Variants in ZBP1 observed in about 807,000 individuals in gnomAD.
ZBP1 encodes the protein Z-DNA-binding protein 1.
ZBP1 carries 42 observed loss-of-function variants against 41.1 expected under a neutral mutation model. The ratio of observed to expected loss-of-function variants is 1.02; its 90% CI spans 0.80 to 1.32. The LOEUF (loss-of-function observed/expected upper bound fraction) is 1.32, where lower values mean the gene tolerates loss of function less well. Among genes scored for constraint, ZBP1 ranks in the 40% most tolerant of loss-of-function variants. The probability of loss-of-function intolerance (pLI) is 0.00; values close to 1 mark genes in which losing one functional copy is unlikely to be tolerated. For missense variants in ZBP1, 562 were observed against 549.7 expected (o/e 1.02, Z -0.22); for synonymous variants, 214 against 205.2 (o/e 1.04, Z -0.37).
At position 57,613,273 on chromosome 20, in the gene ZBP1, T is replaced by C. The variant is rs1268309489; in HGVS notation, c.560A>G (p.Asn187Ser). ...GTTGGGTCCATTCTGGCAGATCATG[T>C]TGATTGGATTGTGCTGGTAAATAAT... is the stretch of plus-strand genomic sequence containing the variant. ...ASIIYQHNPI[N>S]MICQNGPNSW... The change falls in exon 5 of 8, where the codon AAC becomes AGC. Residue 187 changes from asparagine (N) to serine (S), a missense_variant. Coordinates refer to ENST00000371173, the MANE Select transcript of ZBP1 (RefSeq NM_030776.3). This position sits in a 1 kb window ranked among gnomAD's most constrained non-coding sequence, Gnocchi z 4.5. The C allele has an allele frequency of 5.6e-6, 9 of 1,614,130 alleles. No homozygotes were observed. Among genetic ancestry groups the C allele is most frequent in the African/African-American group, 1.3e-5 (1 of 74,940 alleles).
intron 6 of ZBP1, among the ~76,000 whole-genome samples, chr20:57,611,040 C>A (rs1314740808): frequency 6.6e-6 from 1 of 152,156 alleles, no homozygotes; most frequent in African/African-American, 2.4e-5. Context: ...TGGGGGAGGC[C>A]TCTGCCTGGG....
intron 4 of ZBP1, among the ~76,000 whole-genome samples, chr20:57,614,647 C>T (rs183172956): frequency 1.5e-3 from 227 of 152,344 alleles, no homozygotes; most frequent in African/African-American, 3.9e-3. Flanking sequence ...GGGCCACCTC[C>T]GTCCCATTCA....
At chr20:57,607,113 C>T (rs2070517198) in intron 7 of ZBP1, 4 of 1,304,106 alleles carry the variant, frequency 3.1e-6, no homozygotes, top group African/African-American at 1.5e-5. Flanking sequence ...CAGAGTGATT[C>T]CTCAGATGGA....
chr20:57,616,263 CTCTGCAGGACCCTCGCCT>C lies in ZBP1; in HGVS notation c.222_239del (p.Gly75_Glu80del). 1 of 1,614,072 alleles carries C rather than the reference CTCTGCAGGACCCTCGCCT, an allele frequency of 6.2e-7. No individual in the cohort carries two copies. Among genetic ancestry groups the C allele is most frequent in the Non-Finnish European group, 8.5e-7 (1 of 1,179,980 alleles). On this transcript the variant is annotated inframe_deletion, in exon 2 of 8. Coordinates refer to ENST00000371173, the MANE Select transcript of ZBP1 (RefSeq NM_030776.3). ...AGTTACCAGGGCTGGACAAGGCCAG[CTCTGCAGGACCCTCGCCT>C]TCAGGATCAGTCCCGCCCAAGCACC... is the stretch of plus-strand genomic sequence containing the variant.
Position 57,610,951 on chromosome 20 carries a change from C to T in ZBP1, c.875-584G>A, listed in dbSNP as rs896489868. 2.0e-5 allele frequency among the ~76,000 whole-genome samples: 3 copies of T among 152,160 alleles called. No individual in the cohort carries two copies. Among genetic ancestry groups the T allele is most frequent in the African/African-American group, 7.2e-5 (3 of 41,428 alleles). On this transcript the variant is annotated intron_variant, in intron 6 of 7. Coordinates refer to ENST00000371173, the MANE Select transcript of ZBP1 (RefSeq NM_030776.3). The surrounding 1 kb of genome is among the most constrained non-coding windows in gnomAD (Gnocchi z 5.5). ...TGGCCCCTCTCTGGAGACTCCTTTC[C>T]CGGGGCCTCTGCTTTCCTCCTCCCT...
At chr20:57,618,742 C>T (rs1479058773) in intron 1 of ZBP1, among the ~76,000 whole-genome samples, 9 of 152,158 alleles carry the variant, frequency 5.9e-5, no homozygotes, top group Admixed American at 1.3e-4. Context: ...CCACTACACC[C>T]GGCTGATTTT....
At chr20:57,609,564 C>G (rs180880406) in intron 7 of ZBP1, among the ~76,000 whole-genome samples, 1 of 151,922 alleles carries the variant, frequency 6.6e-6, no homozygotes, top group African/African-American at 2.4e-5. Context: ...TAAGTTCAAC[C>G]CCACAGATGA....
At chr20:57,616,051 T>C in intron 2 of ZBP1, 193 bp downstream of exon 2, 1 of 624,600 alleles carries the variant, frequency 1.6e-6, no homozygotes, top group Non-Finnish European at 2.8e-6. Context: ...CAGGGCCTCC[T>C]CTCAGCAACC....
At chr20:57,615,900 A>T in intron 2 of ZBP1, 1 of 527,200 alleles carries the variant, frequency 1.9e-6, no homozygotes, top group Non-Finnish European at 3.4e-6. Context: ...GTAAAGCTAG[A>T]AAAGGGGGGC....
chr20:57,604,384 T>C lies in ZBP1; in HGVS notation c.*189A>G. 2 of 739,398 alleles carry C rather than the reference T, an allele frequency of 2.7e-6. No homozygotes were observed. Among genetic ancestry groups the C allele is most frequent in the Non-Finnish European group, 2.4e-6 (1 of 420,666 alleles). 45.8% of individuals were successfully genotyped at this position (739,398 alleles called of 1,614,324 possible). Reference sequence around the variant, plus strand: ...AAGGCAACTCCCTGTCATCTACTCCTGGCCATCAAAAGACCTGGCCTGAAC... The same window carrying C: ...AAGGCAACTCCCTGTCATCTACTCCCGGCCATCAAAAGACCTGGCCTGAAC... On this transcript the variant is annotated 3_prime_UTR_variant, in exon 8 of 8. Transcript: ENST00000371173.
intron 7 of ZBP1, 60 bp from the exon 8 acceptor site, chr20:57,604,829 G>A: frequency 6.7e-7 from 1 of 1,492,906 alleles, no homozygotes; most frequent in Non-Finnish European, 9.2e-7. Flanking sequence ...ATTTCCACAG[G>A]GACCCGCTCT....
At chr20:57,608,343 C>T (rs1484642072) in intron 7 of ZBP1, among the ~76,000 whole-genome samples, 3 of 152,172 alleles carry the variant, frequency 2.0e-5, no homozygotes, top group Non-Finnish European at 2.9e-5. Flanking sequence ...AGGATGGTCT[C>T]GATCTCCTGA....
Position 57,620,286 on chromosome 20 carries a change from C to A in ZBP1, c.10G>T (p.Ala4Ser), listed in dbSNP as rs1238790843. 1 of 1,597,940 alleles carries A rather than the reference C, an allele frequency of 6.3e-7. No homozygotes were observed. The highest frequency in any genetic ancestry group is 1.7e-5 in the Admixed American group (1 of 57,944). The part of the protein sequence containing the change: MAQ[A>S]PADPGREGHL... ...CCTTCTCTGCCCGGGTCAGCAGGAG[C>A]CTGGGCCATGCTGACAGCAGCTGCA... Residue 4 changes from alanine (A) to serine (S), a missense_variant, in exon 1 of 8, where the codon GCT (alanine) becomes TCT (serine). Physicochemically the swap from Ala to Ser is moderately conservative, Grantham distance 99. Coordinates refer to ENST00000371173, the MANE Select transcript of ZBP1 (RefSeq NM_030776.3).
chr20:57,608,498 A>T (rs1426871132), intron 7 of ZBP1, among the ~76,000 whole-genome samples: 1 of 152,256 alleles, frequency 6.6e-6, no homozygotes. Flanking sequence ...CTTGAGACCC[A>T]CAGGGCTCTG....
chr20:57,613,113 C>A lies in ZBP1; in HGVS notation c.670+50G>T, dbSNP rs184861014. 66 of 1,610,740 alleles carry A rather than the reference C, an allele frequency of 4.1e-5. No individual in the cohort carries two copies. Among genetic ancestry groups the A allele is most frequent in the Non-Finnish European group, 5.3e-5 (63 of 1,178,270 alleles). ...ACCCTTTGCCCCCACCCAGAGGATC[C>A]GGTGGCTCCCCACCGAGGTCCCCTC... On this transcript the variant is annotated intron_variant, in intron 5 of 7. Transcript: ENST00000371173. This position sits in a 1 kb window ranked among gnomAD's most constrained non-coding sequence, Gnocchi z 4.5.
At position 57,613,461 on chromosome 20, in the gene ZBP1, C is replaced by A; in HGVS notation, c.503-131G>T. The A allele has an allele frequency of 1.0e-6, 1 of 958,298 alleles. No individual in the cohort carries two copies. The highest frequency in any genetic ancestry group is 1.6e-6 in the Non-Finnish European group (1 of 629,968). The allele number at this position is 958,298 out of a possible 1,614,324, so 59.4% of individuals were successfully genotyped here. A position where few individuals can be genotyped will look rare whatever the true frequency, so the allele number is the denominator to read the frequency against. ...CCTGGGCGTTCCGAGTCAGTAGGGC[C>A]AAGTGGGAGGCCAGAGCTGGGTGTT... is the stretch of plus-strand genomic sequence containing the variant. On this transcript the variant is annotated intron_variant, in intron 4 of 7. Transcript: ENST00000371173. This position sits in a 1 kb window ranked among gnomAD's most constrained non-coding sequence, Gnocchi z 4.5.
At chr20:57,619,647 A>C (rs2070946030) in intron 1 of ZBP1, among the ~76,000 whole-genome samples, 1 of 152,104 alleles carries the variant, frequency 6.6e-6, no homozygotes, top group African/African-American at 2.4e-5. Flanking sequence ...TTCAGACGCT[A>C]ACACCAGCGT....
At position 57,610,317 on chromosome 20, in the gene ZBP1, T is replaced by C. The variant is rs368647968; in HGVS notation, c.925A>G (p.Ser309Gly). 51 of 1,614,000 alleles carry C rather than the reference T, an allele frequency of 3.2e-5. No individual in the cohort carries two copies. Among genetic ancestry groups the C allele is most frequent in the Non-Finnish European group, 3.8e-5 (45 of 1,180,012 alleles). Reference protein sequence around the residue: ...PEASFEARIPSPGTHPEGEAA... With the variant: ...PEASFEARIPGPGTHPEGEAA... ...TCCCCCTCAGGGTGAGTTCCTGGACTGGGAATTCTTGCTTCAAACGAAGCT... is the reference window on the plus strand; with the variant it reads ...TCCCCCTCAGGGTGAGTTCCTGGACCGGGAATTCTTGCTTCAAACGAAGCT... Residue 309 changes from serine to glycine, a missense_variant, in exon 7 of 8, where the codon AGT (serine) becomes GGT (glycine). Physicochemically the swap from Ser to Gly is moderately conservative, Grantham distance 56. Coordinates refer to ENST00000371173, the MANE Select transcript of ZBP1 (RefSeq NM_030776.3). The surrounding 1 kb of genome is among the most constrained non-coding windows in gnomAD (Gnocchi z 5.5).
intron 4 of ZBP1, 133 bp downstream of exon 4, chr20:57,614,754 G>A (rs1229306280): frequency 2.4e-6 from 3 of 1,226,596 alleles, no homozygotes; most frequent in Non-Finnish European, 3.4e-6. Flanking sequence ...AGCCCTTGCA[G>A]TGAATTGTCG....
Sources: gnomAD v4.1 joint callset for allele counts (sites outside exome capture counted in the v4.1 genomes callset) on GRCh38, gnomAD v4.1.1 for gene constraint, Gnocchi (gnomAD v3.1) non-coding constraint, MANE v1.5 for transcripts, NCBI Gene and HGNC (gene_info 2026-07-23, HGNC 2026-07-21) for gene names.